Variants in ZNF717 observed in about 807,000 individuals in gnomAD.
ZNF717 encodes zinc finger protein 717.
A neutral mutation model predicts 13.8 loss-of-function variants in ZNF717; 9 were observed. The observed-to-expected ratio is 0.65, with a 90% CI of 0.39 to 1.14. The LOEUF is 1.14. Among genes scored for constraint, ZNF717 ranks in the 50% most tolerant of loss-of-function variants. ZNF717 has a pLI of 0.01. For missense variants in ZNF717, 1,040 were observed against 1,080.7 expected (o/e 0.96, Z 0.53); for synonymous variants, 327 against 364.1 (o/e 0.90, Z 1.16).
rs533589762 is a variant in ZNF717, at chr3:75,763,249, T to A, written c.57+20057A>T. The stretch of plus-strand genomic sequence containing the variant: ...AACAGGGTAAAAGGAAACTGTAGAG[T>A]AAAAGAAAATACCAGTTGAGCGTCC... On this transcript the variant is annotated intron_variant, in intron 2 of 4. Coordinates refer to ENST00000652011, the MANE Select transcript of ZNF717 (RefSeq NM_001290208.3). 4.0e-5 allele frequency among the ~76,000 whole-genome samples: 6 copies of A among 151,714 alleles called. No homozygotes were observed. In the East Asian group the frequency reaches 1.2e-3, roughly 29 times the overall value.
At chr3:75,733,775 T>C (rs1356900004), downstream of ZNF717, among the ~76,000 whole-genome samples, 6 of 3,034 alleles carry the variant, frequency 2.0e-3, no homozygotes, top group Non-Finnish European at 4.6e-3. Context: ...CAAGACTCTA[T>C]CTCAAAAAAA....
chr3:75,765,060 T>C (rs1231569526), intron 2 of ZNF717, among the ~76,000 whole-genome samples: 16 of 113,088 alleles, frequency 1.4e-4, no homozygotes, highest in Non-Finnish European at 4.6e-5. Flanking sequence ...TGTGTGTGTA[T>C]ATGTACAAAG....
chr3:75,699,771 A>G (rs145000291), intron 6 of ZNF717, among the ~76,000 whole-genome samples: 3 of 141,512 alleles, frequency 2.1e-5, no homozygotes, highest in Admixed American at 2.1e-4. Context: ...CCACCAAAAA[A>G]CTATTAGAAG....
At chr3:75,778,515 C>T (rs1455395449) in intron 2 of ZNF717, among the ~76,000 whole-genome samples, 1 of 128,162 alleles carries the variant, frequency 7.8e-6, no homozygotes, top group East Asian at 2.4e-4. Flanking sequence ...AAAACAATGG[C>T]AGTGACGTGC....
At chr3:75,776,441 C>T (rs994424843) in intron 2 of ZNF717, among the ~76,000 whole-genome samples, 2 of 152,228 alleles carry the variant, frequency 1.3e-5, no homozygotes, top group Non-Finnish European at 2.9e-5. Context: ...AAAAGCTCTT[C>T]CATGCAAGAG....
At chr3:75,719,696 C>G in intron 4 of ZNF717, among the ~76,000 whole-genome samples, 1 of 152,104 alleles carries the variant, frequency 6.6e-6, no homozygotes, top group Non-Finnish European at 1.5e-5. Flanking sequence ...GTGGCTCATG[C>G]CTGTAATCCC....
At chr3:75,715,964 TG>T (rs1938039667) in intron 5 of ZNF717, among the ~76,000 whole-genome samples, 1 of 139,894 alleles carries the variant, frequency 7.1e-6, no homozygotes, top group Admixed American at 7.3e-5. Flanking sequence ...TGGTTTTTTT[TG>T]GTTTGTTTTT....
chr3:75,700,770 C>T (rs958671278), intron 6 of ZNF717, among the ~76,000 whole-genome samples: 3 of 152,254 alleles, frequency 2.0e-5, no homozygotes, highest in Non-Finnish European at 4.4e-5. Context: ...CTATTTCTTG[C>T]CACATACAAA....
downstream of ZNF717, among the ~76,000 whole-genome samples, chr3:75,734,033 AG>A (rs1938851894): frequency 3.5e-5 from 5 of 144,790 alleles, no homozygotes; most frequent in East Asian, 1.0e-3. Flanking sequence ...GGAAAAAAAA[AG>A]ATACACATCT....
At chr3:75,746,742 T>G (rs377439663) in intron 2 of ZNF717, among the ~76,000 whole-genome samples, 276 of 152,314 alleles carry the variant, frequency 1.8e-3, no homozygotes, top group African/African-American at 6.0e-3. Flanking sequence ...CTTGTAAATT[T>G]GAGTTCTTTG....
rs554180605 is a variant in ZNF717 at position 75,719,173 on chromosome 3, T to C, written n.545-2632A>G. ...CACCAGGTGTGGTGTCACATGCCTG[T>C]GGTCTCAGGTACTTGGGAAGCTGAG... On this transcript the variant is annotated intron_variant and non_coding_transcript_variant, in intron 4 of 5. Coordinates refer to the ZNF717 transcript ENST00000491507. 9.6e-3 allele frequency among the ~76,000 whole-genome samples: 1,457 copies of C among 151,482 alleles called. 28 individuals carry two copies. The highest frequency in any genetic ancestry group is 0.034 in the African/African-American group (1,411 of 41,272).
intron 3 of ZNF717, 27 bp from the exon 4 acceptor site, chr3:75,741,395 T>C (rs1559609000): frequency 1.5e-5 from 22 of 1,481,594 alleles, no homozygotes; most frequent in East Asian, 9.9e-5. Context: ...ATGGAAGACT[T>C]TGTCAAACCA....
chr3:75,726,742 A>T (rs1485950183), downstream of ZNF717, among the ~76,000 whole-genome samples: 1 of 152,248 alleles, frequency 6.6e-6, no homozygotes, highest in Non-Finnish European at 1.5e-5. Flanking sequence ...TATTTGACCT[A>T]ATTTTAGTAA....
chr3:75,740,890 T>C (rs1420666613), intron 4 of ZNF717, among the ~76,000 whole-genome samples: 43 of 152,108 alleles, frequency 2.8e-4, no homozygotes, highest in African/African-American at 9.9e-4. Context: ...ATTTTCATCA[T>C]CGTTATAATG....
intron 2 of ZNF717, among the ~76,000 whole-genome samples, chr3:75,771,518 T>C (rs933808268): frequency 5.3e-5 from 8 of 152,178 alleles, no homozygotes; most frequent in African/African-American, 9.6e-5. Context: ...TCCGGAGCGA[T>C]AGTGTGGTGA....
downstream of ZNF717, among the ~76,000 whole-genome samples, chr3:75,734,813 ATATATTTTTTTTTTT>A (rs1317077212): frequency 5.0e-5 from 3 of 60,080 alleles, no homozygotes; most frequent in African/African-American, 2.7e-4. Flanking sequence ...ATATATATAT[ATATATTTTTTTTTTT>A]TTTTTTTTTT....
intron 2 of ZNF717, among the ~76,000 whole-genome samples, chr3:75,772,796 C>T (rs915336962): frequency 3.9e-5 from 6 of 152,202 alleles, no homozygotes; most frequent in South Asian, 2.1e-4. Flanking sequence ...CAGGTAAAGG[C>T]GGCACCAGCC....
chr3:75,775,416 A>T (rs925993944), intron 2 of ZNF717, among the ~76,000 whole-genome samples: 17 of 152,260 alleles, frequency 1.1e-4, no homozygotes, highest in African/African-American at 4.1e-4. Context: ...AAATTCTAGA[A>T]TATGGTGTCT....
intron 4 of ZNF717, among the ~76,000 whole-genome samples, chr3:75,721,634 T>A (rs1938168775): frequency 1.3e-5 from 2 of 152,212 alleles, no homozygotes; most frequent in Admixed American, 1.3e-4. Context: ...TTCATGGTGC[T>A]AAGTTCAAAT....
Sources: allele counts gnomAD v4.1 joint callset (sites outside exome capture counted in the v4.1 genomes callset), GRCh38; gene constraint gnomAD v4.1.1; transcripts MANE v1.5; gene names NCBI Gene and HGNC (gene_info 2026-07-23, HGNC 2026-07-21).